HMGN2: variants seen among roughly 807,000 people sequenced by gnomAD.
HMGN2 encodes non-histone chromosomal protein HMG-17.
Under a neutral mutation model 16.9 loss-of-function variants are expected in HMGN2, and 2 were observed. The observed-to-expected ratio is 0.12, with a 90% CI of 0.05 to 0.37. The LOEUF is 0.37. Ranked by LOEUF, HMGN2 falls within the 10% of genes least tolerant of loss-of-function variation. The pLI is 1.00. For missense variants in HMGN2, 90 were observed against 106.0 expected (o/e 0.85, Z 0.66); for synonymous variants, 31 against 34.9 (o/e 0.89, Z 0.39).
In HMGN2 at chr1:26,472,672, A is replaced by ACCG. The variant is rs759000520; in HGVS notation, c.15+57_15+59dup. On this transcript the variant is annotated intron_variant, in intron 1 of 5. Coordinates refer to ENST00000361427, the MANE Select transcript of HMGN2 (RefSeq NM_005517.4). ...CAGGCGCCGGGCCACCACTGCCGCC[A>ACCG]CCGCCGCCGCCGCCTCCCTGGTGCA... is the stretch of plus-strand genomic sequence containing the variant. The ACCG allele has an allele frequency of 5.5e-4, 813 of 1,474,586 alleles. 9 individuals are homozygous for ACCG. In the East Asian group the frequency reaches 0.017, roughly 30 times the overall value. The allele number at this position is 1,474,586 out of a possible 1,614,324, so 91.3% of individuals were successfully genotyped here. A position where few individuals can be genotyped will look rare whatever the true frequency, so the allele number is the denominator to read the frequency against.
At chr1:26,473,073 C>T (rs2075584514) in intron 1 of HMGN2, 6 of 253,798 alleles carry the variant, frequency 2.4e-5, no homozygotes, top group Admixed American at 2.2e-4. Context: ...GCCCCGCCCC[C>T]TCGCCCACGT....
chr1:26,474,764 AC>A, intron 5 of HMGN2, 97 bp downstream of exon 5: 3 of 705,380 alleles, frequency 4.3e-6, no homozygotes, highest in East Asian at 2.7e-5. Context: ...CTCCAAATGT[AC>A]CATTTGGTCC....
At chr1:26,475,055 G>C in intron 5 of HMGN2, 58 bp from the exon 6 acceptor site, 1 of 1,410,304 alleles carries the variant, frequency 7.1e-7, no homozygotes, top group Non-Finnish European at 1.0e-6. Flanking sequence ...TAGGTGGAAT[G>C]TGAACACAGA....
chr1:26,474,679 G>A lies in HMGN2; in HGVS notation c.237+12G>A, dbSNP rs774665088. On this transcript the variant is annotated intron_variant, in intron 5 of 5. Coordinates refer to ENST00000361427, the MANE Select transcript of HMGN2 (RefSeq NM_005517.4). Reference sequence around the variant, plus strand: ...CCAAAACAGACCAGGTATAACTGCTGTTTCACCCTTTGTTAGATTTGTTCA... The same window carrying A: ...CCAAAACAGACCAGGTATAACTGCTATTTCACCCTTTGTTAGATTTGTTCA... 7.9e-7 allele frequency: 1 copy of A among 1,265,578 alleles called. No individual in the cohort carries two copies. The highest frequency in any genetic ancestry group is 1.2e-5 in the South Asian group (1 of 82,722). 78.4% of individuals were successfully genotyped at this position (1,265,578 alleles called of 1,614,324 possible).
At chr1:26,474,993 T>C in intron 5 of HMGN2, 120 bp from the exon 6 acceptor site, 1 of 787,774 alleles carries the variant, frequency 1.3e-6, no homozygotes, top group Non-Finnish European at 2.2e-6. Flanking sequence ...GAAGAAATAC[T>C]GAGTCTCAGT....
chr1:26,474,748 G>A, intron 5 of HMGN2, 81 bp downstream of exon 5: 1 of 730,954 alleles, frequency 1.4e-6, no homozygotes, highest in East Asian at 2.6e-5. Context: ...CCCTTTTCTT[G>A]TATCACTCCA....
intron 3 of HMGN2, 140 bp downstream of exon 3, chr1:26,473,872 T>A: frequency 1.1e-6 from 1 of 923,294 alleles, no homozygotes; most frequent in Non-Finnish European, 1.7e-6. Flanking sequence ...CCCCTTTGGG[T>A]TTTGCTGGTT....
Position 26,472,717 on chromosome 1 carries a change from G to A in HMGN2, c.15+90G>A, listed in dbSNP as rs1570377200. ...GGTGCAGGGAGCGAGAATCGGCGCCGAGCAGGAGCCAGCGCAGCCTCCCCG... is the reference window on the plus strand; with the variant it reads ...GGTGCAGGGAGCGAGAATCGGCGCCAAGCAGGAGCCAGCGCAGCCTCCCCG... On this transcript the variant is annotated intron_variant, in intron 1 of 5. Coordinates refer to ENST00000361427, the MANE Select transcript of HMGN2 (RefSeq NM_005517.4). 6 of 1,229,232 alleles carry A rather than the reference G, an allele frequency of 4.9e-6. No individual in the cohort carries two copies. In the East Asian group the frequency reaches 1.1e-4, roughly 23 times the overall value. 76.1% of individuals were successfully genotyped at this position (1,229,232 alleles called of 1,614,324 possible). A position where few individuals can be genotyped will look rare whatever the true frequency, so the allele number is the denominator to read the frequency against.
At chr1:26,473,940 A>G in intron 3 of HMGN2, 145 bp from the exon 4 acceptor site, 1 of 804,454 alleles carries the variant, frequency 1.2e-6, no homozygotes, top group South Asian at 1.8e-5. Context: ...CTGGAAATCC[A>G]ACATTCTAGA....
chr1:26,473,253 G>A (rs745438706), intron 1 of HMGN2: 74 of 553,746 alleles, frequency 1.3e-4, no homozygotes, highest in Non-Finnish European at 1.8e-4. Flanking sequence ...GGTGGTGCGG[G>A]CTCCGCTGCC....
At position 26,473,806 on chromosome 1, in the gene HMGN2, C is replaced by T; in HGVS notation, c.90+74C>T. ...CATCAAAAAACAATTCCCTTTGCTT[C>T]CATGAATTATGGTTAGTGCCTGGTT... On this transcript the variant is annotated intron_variant, in intron 3 of 5. Transcript: ENST00000361427. The T allele has an allele frequency of 2.1e-6, 3 of 1,437,800 alleles. 1 individual carries two copies. The highest frequency in any genetic ancestry group is 2.3e-5 in the South Asian group (2 of 87,328). The allele number at this position is 1,437,800 out of a possible 1,614,324, so 89.1% of individuals were successfully genotyped here.
rs770628160 is a variant in HMGN2, at chr1:26,473,677, TCTAA to T, written c.61-23_61-20del. 12 of 1,613,402 alleles carry T rather than the reference TCTAA, an allele frequency of 7.4e-6. No homozygotes were observed. The South Asian group carries it at 1.3e-4, about 18-fold the overall frequency. On this transcript the variant is annotated intron_variant, in intron 2 of 5. Coordinates refer to ENST00000361427, the MANE Select transcript of HMGN2 (RefSeq NM_005517.4). ...TTCAAAGCGACTTACCTGTCCTATTTCTAACTTTCTCGTTGTCTTTAATAGCCAC... is the reference window on the plus strand; with the variant it reads ...TTCAAAGCGACTTACCTGTCCTATTTCTTTCTCGTTGTCTTTAATAGCCAC...
Position 26,473,542 on chromosome 1 carries a change from C to T in HMGN2, c.60+15C>T, listed in dbSNP as rs767852218. The T allele has an allele frequency of 8.1e-6, 13 of 1,607,962 alleles. No individual in the cohort carries two copies. Among genetic ancestry groups the T allele is most frequent in the South Asian group, 3.3e-5 (3 of 90,958 alleles). ...TGAAGGACGAAGTAAGTCATTCTCT[C>T]TTCAAGGGTCAAAGCCTTGGACTAG... On this transcript the variant is annotated intron_variant, in intron 2 of 5. Coordinates refer to ENST00000361427, the MANE Select transcript of HMGN2 (RefSeq NM_005517.4).
rs1007802045 is a variant in HMGN2, at chr1:26,476,142, CAGG to C, written c.*997_*999del. Among the ~76,000 whole-genome samples the C allele has an allele frequency of 4.3e-4, 66 of 152,262 alleles. No individual in the cohort carries two copies. The highest frequency in any genetic ancestry group is 2.6e-3 in the Admixed American group (40 of 15,298). On this transcript the variant is annotated 3_prime_UTR_variant, in exon 6 of 6. Coordinates refer to ENST00000361427, the MANE Select transcript of HMGN2 (RefSeq NM_005517.4). ...TGCTAGGTGCAGTTAGGAAGGATTCCAGGAGTAGACTTAGCTGATGGTGAAAGG... is the reference window on the plus strand; with the variant it reads ...TGCTAGGTGCAGTTAGGAAGGATTCCAGTAGACTTAGCTGATGGTGAAAGG...
rs1176677882 is a variant in HMGN2 at position 26,473,698 on chromosome 1, A to G, written c.61-5A>G. 12 of 1,613,824 alleles carry G rather than the reference A, an allele frequency of 7.4e-6. No individual in the cohort carries two copies. The highest frequency in any genetic ancestry group is 1.6e-4 in the Middle Eastern group (1 of 6,082). ...TATTTCTAACTTTCTCGTTGTCTTT[A>G]ATAGCCACAGAGAAGATCCGCGAGG... On this transcript the variant is annotated splice_polypyrimidine_tract_variant and splice_region_variant and intron_variant, in intron 2 of 5. Coordinates refer to ENST00000361427, the MANE Select transcript of HMGN2 (RefSeq NM_005517.4).
In HMGN2 at chr1:26,475,780, TC is replaced by T. The variant is rs2075604155; in HGVS notation, c.*635del. On this transcript the variant is annotated 3_prime_UTR_variant, in exon 6 of 6. Coordinates refer to ENST00000361427, the MANE Select transcript of HMGN2 (RefSeq NM_005517.4). ...AAATGTCAACCCTCACTCTAAACTT[TC>T]CCTGTTCAGAGCATCAGATGAAGAC... 2 of 339,550 alleles carry T rather than the reference TC, an allele frequency of 5.9e-6. No homozygotes were observed. 21.0% of individuals were successfully genotyped at this position (339,550 alleles called of 1,614,324 possible).
chr1:26,473,223 C>G, intron 1 of HMGN2: 1 of 506,602 alleles, frequency 2.0e-6, no homozygotes, highest in Non-Finnish European at 3.5e-6. Context: ...CCATCTGCAG[C>G]TGTTGCTCCT....
At position 26,472,533 on chromosome 1, in the gene HMGN2, A is replaced by G. The variant is rs1387252294; in HGVS notation, c.-80A>G. On this transcript the variant is annotated 5_prime_UTR_variant, in exon 1 of 6. Transcript: ENST00000361427. ...GCAGTGTGAAGAAGAGGCGAGAACG[A>G]CCCCCGGACCGACCAAAGCCCGCGC... The G allele has an allele frequency of 7.6e-5, 115 of 1,512,200 alleles. 2 individuals carry two copies. In the East Asian group the frequency reaches 2.8e-3, roughly 37 times the overall value. 93.7% of individuals were successfully genotyped at this position (1,512,200 alleles called of 1,614,324 possible).
intron 1 of HMGN2, 177 bp from the exon 2 acceptor site, chr1:26,473,306 G>T: frequency 1.8e-6 from 1 of 569,140 alleles, no homozygotes; most frequent in Non-Finnish European, 3.1e-6. Context: ...TCTCGGGGTC[G>T]GCGAGCCGGA....
Sources: allele counts gnomAD v4.1 joint callset (sites outside exome capture counted in the v4.1 genomes callset), GRCh38; gene constraint gnomAD v4.1.1; transcripts MANE v1.5; gene names NCBI Gene and HGNC (gene_info 2026-07-23, HGNC 2026-07-21).